LRRIQ1: variants seen among roughly 807,000 people sequenced by gnomAD.
LRRIQ1 encodes leucine rich repeats and IQ motif containing 1.
A neutral mutation model predicts 211.9 loss-of-function variants in LRRIQ1; 210 were observed. That is an observed-to-expected ratio of 0.99 (90% confidence interval 0.89 to 1.11). LRRIQ1 has a LOEUF of 1.11. Ranked by LOEUF, LRRIQ1 falls within the 50% of genes most tolerant of loss-of-function variation. The probability of loss-of-function intolerance (pLI) is 0.00; values close to 1 mark genes in which losing one functional copy is unlikely to be tolerated. For missense variants in LRRIQ1, 2,136 were observed against 1,939.5 expected (o/e 1.10, Z -1.90); for synonymous variants, 699 against 650.1 (o/e 1.08, Z -1.14).
intron 24 of LRRIQ1, among the ~76,000 whole-genome samples, chr12:85,193,396 G>A (rs867480739): frequency 7.7e-6 from 1 of 130,424 alleles, no homozygotes; most frequent in South Asian, 2.6e-4. Flanking sequence ...TGAAATGAAG[G>A]AAAAAATGTT....
intron 16 of LRRIQ1, 88 bp from the exon 17 acceptor site, chr12:85,123,982 C>G (rs2136441529): frequency 1.2e-6 from 1 of 818,566 alleles, no homozygotes; most frequent in Non-Finnish European, 1.9e-6. Context: ...TCATTTGAGG[C>G]CATACAGTGA....
At chr12:85,240,881 A>G (rs1211551332) in intron 26 of LRRIQ1, among the ~76,000 whole-genome samples, 1 of 152,244 alleles carries the variant, frequency 6.6e-6, no homozygotes, top group East Asian at 1.9e-4. Context: ...ACTATAAAGG[A>G]GAACAACAGA....
At chr12:85,184,940 CA>C (rs1892160005) in intron 24 of LRRIQ1, among the ~76,000 whole-genome samples, 1 of 151,924 alleles carries the variant, frequency 6.6e-6, no homozygotes, top group Non-Finnish European at 1.5e-5. Context: ...CTGAAATTGA[CA>C]CTTAGCCTGA....
intron 24 of LRRIQ1, among the ~76,000 whole-genome samples, chr12:85,208,411 C>A (rs1414990753): frequency 6.6e-6 from 1 of 151,796 alleles, no homozygotes; most frequent in Non-Finnish European, 1.5e-5. Context: ...CACATTAATG[C>A]GGATATATAG....
chr12:85,180,349 G>A (rs575928302), intron 24 of LRRIQ1, among the ~76,000 whole-genome samples: 25 of 151,872 alleles, frequency 1.6e-4, no homozygotes, highest in African/African-American at 5.8e-4. Context: ...GTGTTTTTAT[G>A]TTTCTCAAAA....
chr12:85,166,842 A>G (rs545215148), intron 24 of LRRIQ1, among the ~76,000 whole-genome samples: 23 of 152,258 alleles, frequency 1.5e-4, no homozygotes, highest in Non-Finnish European at 3.1e-4. Context: ...GTGATTTATC[A>G]GTATGTCAGT....
chr12:85,188,097 C>G (rs2660450), intron 24 of LRRIQ1, among the ~76,000 whole-genome samples: 2,633 of 151,716 alleles, frequency 0.017, 78 homozygotes, highest in African/African-American at 0.061. Context: ...TGGCTTACTG[C>G]TAGGTCCTCA....
At chr12:85,087,158 G>A (rs1203021132) in intron 11 of LRRIQ1, among the ~76,000 whole-genome samples, 1 of 151,672 alleles carries the variant, frequency 6.6e-6, no homozygotes, top group Non-Finnish European at 1.5e-5. Context: ...TGTTCTCATT[G>A]TTCAATTCCC....
chr12:85,233,519 T>A (rs780268297), intron 26 of LRRIQ1, among the ~76,000 whole-genome samples: 7 of 152,166 alleles, frequency 4.6e-5, no homozygotes, highest in Non-Finnish European at 7.4e-5. Flanking sequence ...AAACTGATTA[T>A]AATTTAGCTT....
chr12:85,190,498 A>G (rs1319399418), intron 24 of LRRIQ1, among the ~76,000 whole-genome samples: 1 of 148,218 alleles, frequency 6.7e-6, no homozygotes, highest in Non-Finnish European at 1.5e-5. Context: ...ATACAATTTT[A>G]TAGTTATGTG....
At chr12:85,178,983 G>A (rs182665125) in intron 24 of LRRIQ1, among the ~76,000 whole-genome samples, 2 of 151,258 alleles carry the variant, frequency 1.3e-5, no homozygotes, top group Admixed American at 1.3e-4. Flanking sequence ...AATATTTTAG[G>A]AGTGTACAAC....
chr12:85,214,073 G>A (rs931822224), intron 24 of LRRIQ1, among the ~76,000 whole-genome samples: 21 of 151,762 alleles, frequency 1.4e-4, no homozygotes, highest in Admixed American at 5.9e-4. Flanking sequence ...TCCCAAACTG[G>A]CCCTATTCTT....
At chr12:85,122,462 A>G (rs530902979) in intron 16 of LRRIQ1, among the ~76,000 whole-genome samples, 2 of 152,254 alleles carry the variant, frequency 1.3e-5, no homozygotes, top group South Asian at 4.1e-4. Context: ...TTCTGAATGC[A>G]TTATAATTGA....
chr12:85,154,670 T>C (rs1340700968), intron 23 of LRRIQ1, among the ~76,000 whole-genome samples: 1 of 151,372 alleles, frequency 6.6e-6, no homozygotes, highest in East Asian at 1.9e-4. Context: ...TTAGTGTAAT[T>C]ACTTAATATA....
rs1889256630 is a variant in LRRIQ1, at chr12:85,137,976, AC to A, written c.4329+8del. The A allele has an allele frequency of 7.4e-7, 1 of 1,352,070 alleles. No individual in the cohort carries two copies. The highest frequency in any genetic ancestry group is 1.5e-5 in the African/African-American group (1 of 67,872). 83.8% of individuals were successfully genotyped at this position (1,352,070 alleles called of 1,614,324 possible). ...GGATTTTATATTTGATGAAGTAAGT[AC>A]GAACTATAGTATATAAATATTGGTC... On this transcript the variant is annotated splice_region_variant and intron_variant, in intron 19 of 26. Coordinates refer to ENST00000393217, the MANE Select transcript of LRRIQ1 (RefSeq NM_001079910.2).
chr12:85,072,606 T>C (rs1202421536), intron 10 of LRRIQ1, among the ~76,000 whole-genome samples: 1 of 151,832 alleles, frequency 6.6e-6, no homozygotes, highest in African/African-American at 2.4e-5. Flanking sequence ...ATTTTATAAA[T>C]GTCTTATCTT....
intron 24 of LRRIQ1, among the ~76,000 whole-genome samples, chr12:85,215,445 A>G (rs926573819): frequency 1.3e-5 from 2 of 152,126 alleles, no homozygotes; most frequent in Non-Finnish European, 2.9e-5. Flanking sequence ...TTATTTTATC[A>G]TCCAGGTATT....
At chr12:85,199,518 ATAGTT>A (rs1893187937) in intron 24 of LRRIQ1, among the ~76,000 whole-genome samples, 1 of 152,114 alleles carries the variant, frequency 6.6e-6, no homozygotes, top group Non-Finnish European at 1.5e-5. Flanking sequence ...GCCTTATAGT[ATAGTT>A]TAAAGTCAGT....
chr12:85,244,296 T>C (rs948373446), intron 26 of LRRIQ1, among the ~76,000 whole-genome samples: 1 of 151,492 alleles, frequency 6.6e-6, no homozygotes, highest in African/African-American at 2.4e-5. Flanking sequence ...ATGGCTTTAA[T>C]GAGAAGGTAA....
Sources: gnomAD v4.1 joint callset for allele counts (sites outside exome capture counted in the v4.1 genomes callset) on GRCh38, gnomAD v4.1.1 for gene constraint, MANE v1.5 for transcripts, NCBI Gene and HGNC (gene_info 2026-07-23, HGNC 2026-07-21) for gene names.